LARP1: variants seen among roughly 807,000 people sequenced by gnomAD.
LARP1 encodes the protein la-related protein 1.
LARP1 carries 36 observed loss-of-function variants against 122.7 expected under a neutral mutation model. The observed-to-expected ratio is 0.29, with a 90% confidence interval of 0.22 to 0.39. The LOEUF (loss-of-function observed/expected upper bound fraction) is 0.39. Among genes scored for constraint, LARP1 ranks in the 10% least tolerant of loss-of-function variants. The pLI is 1.00. For missense variants in LARP1, 1,040 were observed against 1,403.6 expected (o/e 0.74, Z 4.14); for synonymous variants, 539 against 528.7 (o/e 1.02, Z -0.27).
chr5:154,806,824 A>G (rs577120376), intron 15 of LARP1, among the ~76,000 whole-genome samples: 1 of 152,352 alleles, frequency 6.6e-6, no homozygotes, highest in African/African-American at 2.4e-5. Context: ...TATAATCTAC[A>G]TATGATGGAA....
chr5:154,757,043 G>C (rs1042486027), intron 1 of LARP1: 10 of 148,574 alleles, frequency 6.7e-5, no homozygotes, highest in Non-Finnish European at 1.3e-4. Flanking sequence ...GCTCGGCCTC[G>C]GCGTTCGGTG....
rs549965732 is a variant in LARP1 at position 154,734,188 on chromosome 5, C to T, written c.205+21058C>T. Among the ~76,000 whole-genome samples the T allele has an allele frequency of 4.6e-5, 7 of 151,846 alleles. No individual in the cohort carries two copies. The East Asian group carries it at 1.4e-3, about 29-fold the overall frequency. ...CTCTCAAAAAAAAAAAAAATAGTAC[C>T]TACCTCAAAAGGTTAATATGTGAGA... is the stretch of plus-strand genomic sequence containing the variant. On this transcript the variant is annotated intron_variant, in intron 1 of 18. Coordinates refer to the LARP1 transcript ENST00000336314.
At chr5:154,722,263 G>T (rs745940959) in intron 1 of LARP1, among the ~76,000 whole-genome samples, 25 of 152,092 alleles carry the variant, frequency 1.6e-4, no homozygotes, top group Non-Finnish European at 3.1e-4. Context: ...CCTCCTGCAG[G>T]GAGGCTGCTG....
intron 1 of LARP1, among the ~76,000 whole-genome samples, chr5:154,749,228 C>T (rs537460597): frequency 6.6e-6 from 1 of 152,044 alleles, no homozygotes; most frequent in Non-Finnish European, 1.5e-5. Flanking sequence ...AAGCCCATCA[C>T]GGGACAACTT....
At chr5:154,686,608 C>T (rs191443218) in intron 1 of LARP1, among the ~76,000 whole-genome samples, 200 of 152,154 alleles carry the variant, frequency 1.3e-3, no homozygotes, top group Non-Finnish European at 2.2e-3. Flanking sequence ...GAGAAGTGGC[C>T]GTTCGTTTTG....
chr5:154,795,466 C>CTCCT (rs1244081299), intron 8 of LARP1, 147 bp downstream of exon 8: 17 of 710,562 alleles, frequency 2.4e-5, no homozygotes, highest in African/African-American at 2.2e-4. Context: ...CCTCCTCTCC[C>CTCCT]TCCTTCCTTC....
upstream of LARP1, among the ~76,000 whole-genome samples, chr5:154,754,175 C>T (rs918758907): frequency 3.9e-5 from 6 of 152,216 alleles, no homozygotes; most frequent in East Asian, 1.2e-3. Flanking sequence ...CTATTGTCTT[C>T]ATAGATACTA....
Position 154,792,726 on chromosome 5 carries a change from C to T in LARP1, c.669C>T (p.Thr223=). The T allele has an allele frequency of 1.9e-6, 3 of 1,614,100 alleles. No homozygotes were observed. The highest frequency in any genetic ancestry group is 2.5e-6 in the Non-Finnish European group (3 of 1,180,010). The part of the protein sequence containing the change: ...EGSDSKESPK[T]KSDESGEEKN... ...GTGATAGTAAGGAGAGTCCAAAAAC[C>T]AAATCAGATGAATCAGGGGAGGAAA... The change falls in exon 4 of 19, where the codon ACC becomes ACT. Residue 223 remains threonine, a synonymous_variant. Transcript: ENST00000518297.
At chr5:154,779,602 G>A (rs531825298) in intron 1 of LARP1, among the ~76,000 whole-genome samples, 10 of 149,152 alleles carry the variant, frequency 6.7e-5, no homozygotes, top group Admixed American at 3.4e-4. Context: ...TCCACCTCCC[G>A]GATTCAAGCG....
At chr5:154,809,857 C>T (rs1759113503) in intron 16 of LARP1, among the ~76,000 whole-genome samples, 1 of 151,880 alleles carries the variant, frequency 6.6e-6, no homozygotes, top group African/African-American at 2.4e-5. Context: ...AGGCGCCTGC[C>T]ACCACGCCTG....
In LARP1 at chr5:154,814,153, A is replaced by AT; in HGVS notation, c.*58dup. 6.5e-7 allele frequency: 1 copy of AT among 1,549,176 alleles called. No homozygotes were observed. ...AAAGGGGTAGGGTGGGTAAGAGTCC[A>AT]TGGGGGTGCCCAGTCCCAGGAAAGG... On this transcript the variant is annotated 3_prime_UTR_variant, in exon 19 of 19. Transcript: ENST00000518297.
intron 1 of LARP1, among the ~76,000 whole-genome samples, chr5:154,696,403 G>C (rs1281438540): frequency 1.3e-5 from 2 of 152,122 alleles, no homozygotes; most frequent in African/African-American, 4.8e-5. Flanking sequence ...AATGCTCATT[G>C]AAAGAATGAA....
chr5:154,768,212 G>C (rs1755107649), intron 1 of LARP1, among the ~76,000 whole-genome samples: 1 of 152,164 alleles, frequency 6.6e-6, no homozygotes, highest in Non-Finnish European at 1.5e-5. Context: ...GGTAATATTT[G>C]GGACAGTAGT....
chr5:154,780,393 T>C (rs1195293442), intron 1 of LARP1, among the ~76,000 whole-genome samples: 1 of 152,152 alleles, frequency 6.6e-6, no homozygotes, highest in Non-Finnish European at 1.5e-5. Flanking sequence ...ACAGTATCGG[T>C]AATTTTGGGG....
chr5:154,746,049 T>A lies in LARP1; in HGVS notation c.205+32919T>A, dbSNP rs140953187. Among the ~76,000 whole-genome samples the A allele has an allele frequency of 2.5e-3, 383 of 152,292 alleles. 1 individual carries two copies. Among genetic ancestry groups the A allele is most frequent in the African/African-American group, 9.0e-3 (376 of 41,552 alleles). On this transcript the variant is annotated intron_variant, in intron 1 of 18. Transcript: ENST00000336314. ...TCCTGACCTCGTGATCTACCCGCCTTGGACTCCCAGAGTGCCTGGATTACA... is the reference window on the plus strand; with the variant it reads ...TCCTGACCTCGTGATCTACCCGCCTAGGACTCCCAGAGTGCCTGGATTACA...
chr5:154,802,315 G>A lies in LARP1; in HGVS notation c.2025G>A (p.Leu675=), dbSNP rs1758416924. ...HTSRAKMSAE[L]AKVINDGLFY... is the part of the protein sequence containing the mutation. ...CGCGTGCCAAGATGAGCGCCGAACT[G>A]GCCAAGGTCATTAATGATGGCCTCT... is the stretch of plus-strand genomic sequence containing the variant. Residue 675 remains leucine (L), a synonymous_variant, in exon 11 of 19, where the codon CTG becomes CTA. Coordinates refer to ENST00000518297, the MANE Select transcript of LARP1 (RefSeq NM_033551.3). The surrounding 1 kb of genome is among the most constrained non-coding windows in gnomAD (Gnocchi z 5.1). The A allele has an allele frequency of 1.2e-6, 2 of 1,614,192 alleles. No homozygotes were observed. Among genetic ancestry groups the A allele is most frequent in the Admixed American group, 1.7e-5 (1 of 60,026 alleles).
intron 14 of LARP1, chr5:154,805,349 G>A (rs561486572): frequency 1.0e-5 from 2 of 196,044 alleles, no homozygotes; most frequent in Non-Finnish European, 2.1e-5. Context: ...TTGCTCTCTC[G>A]AGTGGCAAAG....
rs1757443615 is a variant in LARP1, at chr5:154,792,784, CAGA to C, written c.735_737del (p.Lys246del). On this transcript the variant is annotated inframe_deletion, in exon 4 of 19. Coordinates refer to ENST00000518297, the MANE Select transcript of LARP1 (RefSeq NM_033551.3). ...AGATGAGGATTGCCAGCGAGGCGGG[CAGA>C]AGAAGAAAGGTGAGTGACTGGGAGC... The C allele has an allele frequency of 6.2e-7, 1 of 1,613,764 alleles. No homozygotes were observed. The highest frequency in any genetic ancestry group is 8.5e-7 in the Non-Finnish European group (1 of 1,179,830).
At chr5:154,791,595 C>G (rs562077884) in intron 3 of LARP1, among the ~76,000 whole-genome samples, 1 of 152,286 alleles carries the variant, frequency 6.6e-6, no homozygotes, top group South Asian at 2.1e-4. Context: ...TAAACCTTTG[C>G]TTTGTTAGAG....
Sources: gnomAD v4.1 joint callset for allele counts (sites outside exome capture counted in the v4.1 genomes callset) on GRCh38, gnomAD v4.1.1 for gene constraint, Gnocchi (gnomAD v3.1) non-coding constraint, MANE v1.5 for transcripts, NCBI Gene and HGNC (gene_info 2026-07-23, HGNC 2026-07-21) for gene names.